The following OPN3 variants were observed in gnomAD, a reference collection of about 807,000 sequenced individuals.
OPN3 encodes the protein opsin 3.
OPN3 carries 29 observed loss-of-function variants against 33.8 expected under a neutral mutation model. The observed-to-expected ratio is 0.86, with a 90% CI of 0.64 to 1.17. The LOEUF is 1.17. Among genes scored for constraint, OPN3 ranks in the 50% most tolerant of loss-of-function variants. The pLI is 0.00. For missense variants in OPN3, 437 were observed against 514.1 expected (o/e 0.85, Z 1.45); for synonymous variants, 216 against 216.1 (o/e 1.00, Z 0.00).
At chr1:241,624,118 ACGCCAGGCCAGGCAC>A (rs1573962239) in intron 1 of OPN3, among the ~76,000 whole-genome samples, 4 of 140,250 alleles carry the variant, frequency 2.9e-5, no homozygotes, top group Non-Finnish European at 3.0e-5. Context: ...CTGCCTCCCC[ACGCCAGGCCAGGCAC>A]TCTATGCTCC....
intron 1 of OPN3, chr1:241,631,144 T>G (rs887887489): frequency 2.0e-5 from 3 of 152,100 alleles, no homozygotes; most frequent in Non-Finnish European, 4.4e-5. Context: ...GGTTACAATA[T>G]CCCCTAAATT....
chr1:241,623,104 A>AC (rs911924154), intron 1 of OPN3, among the ~76,000 whole-genome samples: 12 of 151,744 alleles, frequency 7.9e-5, no homozygotes, highest in Admixed American at 4.6e-4. Flanking sequence ...AAAAACAAAA[A>AC]AAACAAACAA....
rs745801766 is a variant in OPN3 at position 241,639,998 on chromosome 1, C to A, written c.257G>T (p.Ser86Ile). Residue 86 changes from serine to isoleucine, a missense_variant, in exon 1 of 4, where the codon AGC (serine) becomes ATC (isoleucine). By Grantham distance (142) the Ser-to-Ile change is moderately radical. Transcript: ENST00000366554. ...THLLLVNISLSDLLVSLFGVT... is the reference protein window; with the variant it reads ...THLLLVNISLIDLLVSLFGVT... ...CCCGAAGAGGGACACCAGCAGGTCGCTGAGGCTGATGTTGACCAGGAGGAG... is the reference window on the plus strand; with the variant it reads ...CCCGAAGAGGGACACCAGCAGGTCGATGAGGCTGATGTTGACCAGGAGGAG... The A allele has an allele frequency of 6.2e-7, 1 of 1,613,068 alleles. No homozygotes were observed. Among genetic ancestry groups the A allele is most frequent in the Non-Finnish European group, 8.5e-7 (1 of 1,179,614 alleles).
At chr1:241,632,902 C>T (rs996341679) in intron 1 of OPN3, 2 of 151,996 alleles carry the variant, frequency 1.3e-5, no homozygotes, top group Non-Finnish European at 2.9e-5. Flanking sequence ...CTAAGAATTC[C>T]TCCTTAGGAA....
intron 1 of OPN3, among the ~76,000 whole-genome samples, chr1:241,622,372 A>C (rs1413297410): frequency 1.3e-5 from 2 of 152,360 alleles, no homozygotes; most frequent in African/African-American, 4.8e-5. Flanking sequence ...GAAGGTGTGC[A>C]AAATTTTAAT....
chr1:241,635,441 A>T (rs753385908), intron 1 of OPN3: 1 of 1,613,984 alleles, frequency 6.2e-7, no homozygotes. Flanking sequence ...GTTGTCCTCC[A>T]TATCCTGACT....
At chr1:241,633,407 A>G (rs1255335041) in intron 1 of OPN3, 4 of 177,630 alleles carry the variant, frequency 2.3e-5, no homozygotes, top group Middle Eastern at 2.8e-3. Flanking sequence ...AACAGCTGCA[A>G]AAGTAATTAA....
At chr1:241,624,867 A>C (rs1307353334) in intron 1 of OPN3, among the ~76,000 whole-genome samples, 2 of 127,568 alleles carry the variant, frequency 1.6e-5, no homozygotes, top group Non-Finnish European at 3.3e-5. Flanking sequence ...ACCACTTACC[A>C]GCTGTGTGAT....
At position 241,635,177 on chromosome 1, in the gene OPN3, T is replaced by A. The variant is rs761304239; in HGVS notation, c.373+4705A>T. The A allele has an allele frequency of 5.4e-5, 87 of 1,613,072 alleles. No homozygotes were observed. The East Asian group carries it at 1.9e-3, about 35-fold the overall frequency. On this transcript the variant is annotated intron_variant, in intron 1 of 3. Coordinates refer to ENST00000366554, the MANE Select transcript of OPN3 (RefSeq NM_014322.3). The stretch of plus-strand genomic sequence containing the variant: ...TACTGTAGATTTGCTTTCATCTTTA[T>A]CTCCATCTTTATCTGAAACTGTGTG...
chr1:241,599,287 A>G (rs1210181081), intron 2 of OPN3, among the ~76,000 whole-genome samples: 1 of 151,948 alleles, frequency 6.6e-6, no homozygotes, highest in Non-Finnish European at 1.5e-5. Context: ...TTAAAGGTAA[A>G]CCTTTGAAGG....
chr1:241,598,008 GAGAA>G lies in OPN3; in HGVS notation c.694-15_694-12del. On this transcript the variant is annotated splice_polypyrimidine_tract_variant and intron_variant, in intron 2 of 3. Transcript: ENST00000366554. ...TTCCACACAACGAAGCTGCAGAAAGGAGAAAGAAAGGAAAGGGCTTAAAAAACAA... is the reference window on the plus strand; with the variant it reads ...TTCCACACAACGAAGCTGCAGAAAGGAGAAAGGAAAGGGCTTAAAAAACAA... 2 of 1,609,602 alleles carry G rather than the reference GAGAA, an allele frequency of 1.2e-6. No homozygotes were observed. The highest frequency in any genetic ancestry group is 1.7e-6 in the Non-Finnish European group (2 of 1,178,460).
At chr1:241,633,637 G>C (rs1280516130) in intron 1 of OPN3, 4 of 737,900 alleles carry the variant, frequency 5.4e-6, no homozygotes, top group Admixed American at 5.8e-5. Context: ...GGTTAACAAA[G>C]ATATTCAATG....
rs1327424260 is a variant in OPN3 at position 241,618,091 on chromosome 1, T to C, written c.374-13512A>G. ...AGATATTTTCCCCAAGACCACAAAG[T>C]AGGTGTTAGAACAAGGCTAGTTCCC... On this transcript the variant is annotated intron_variant, in intron 1 of 3. Transcript: ENST00000366554. Among the ~76,000 whole-genome samples, 5 of 150,448 alleles carry C rather than the reference T, an allele frequency of 3.3e-5. No homozygotes were observed. In the East Asian group the frequency reaches 5.8e-4, roughly 18 times the overall value.
chr1:241,607,107 C>T (rs151217097), intron 1 of OPN3, among the ~76,000 whole-genome samples: 5 of 152,242 alleles, frequency 3.3e-5, no homozygotes, highest in African/African-American at 9.6e-5. Context: ...CAGTGTCTCA[C>T]ACACATGGCA....
At chr1:241,618,928 G>A (rs1664204351) in intron 1 of OPN3, among the ~76,000 whole-genome samples, 1 of 150,526 alleles carries the variant, frequency 6.6e-6, no homozygotes, top group Admixed American at 6.6e-5. Flanking sequence ...TTAAGAAATA[G>A]AGAATAAAGA....
intron 1 of OPN3, chr1:241,634,671 A>G (rs1558447680): frequency 6.2e-7 from 1 of 1,614,042 alleles, no homozygotes. Flanking sequence ...CGTCCGAGAC[A>G]CTGAAGGAAG....
chr1:241,616,266 G>A (rs773335956), intron 1 of OPN3, among the ~76,000 whole-genome samples: 9 of 152,086 alleles, frequency 5.9e-5, no homozygotes, highest in Non-Finnish European at 8.8e-5. Flanking sequence ...TGCGGGGAAC[G>A]TGTGCTAAGA....
chr1:241,628,532 T>G (rs1215516401), intron 1 of OPN3, among the ~76,000 whole-genome samples: 2 of 152,176 alleles, frequency 1.3e-5, no homozygotes, highest in African/African-American at 4.8e-5. Flanking sequence ...AATCCAACTT[T>G]CATCTCCACG....
At chr1:241,616,825 G>A (rs930665501) in intron 1 of OPN3, among the ~76,000 whole-genome samples, 12 of 152,142 alleles carry the variant, frequency 7.9e-5, no homozygotes, top group African/African-American at 2.9e-4. Flanking sequence ...TCAGAAGAAT[G>A]TAAAACAAGG....
Sources: gnomAD v4.1 joint callset for allele counts (sites outside exome capture counted in the v4.1 genomes callset) on GRCh38, gnomAD v4.1.1 for gene constraint, MANE v1.5 for transcripts, NCBI Gene and HGNC (gene_info 2026-07-23, HGNC 2026-07-21) for gene names.